LNX1: variants seen among roughly 807,000 people sequenced by gnomAD.
LNX1 encodes E3 ubiquitin-protein ligase LNX.
Under a neutral mutation model 68.4 loss-of-function variants are expected in LNX1, and 54 were observed. The observed-to-expected ratio is 0.79, with a 90% CI of 0.63 to 0.99. The LOEUF (loss-of-function observed/expected upper bound fraction) is 0.99. Ranked by LOEUF, LNX1 falls within the 50% of genes least tolerant of loss-of-function variation. The pLI is 0.00. For synonymous variants in LNX1, 336 were observed against 350.0 expected, an observed-to-expected ratio of 0.96 and a Z score of 0.45; for missense variants, 906 against 926.4, an observed-to-expected ratio of 0.98 and a Z score of 0.29.
At chr4:53,567,393 C>A (rs1730774982) in intron 2 of LNX1, among the ~76,000 whole-genome samples, 2 of 150,266 alleles carry the variant, frequency 1.3e-5, no homozygotes, top group Admixed American at 6.6e-5. Flanking sequence ...TCCTGAATGA[C>A]TACTGGGTAC....
intron 9 of LNX1, among the ~76,000 whole-genome samples, chr4:53,468,145 G>T (rs576027547): frequency 3.2e-4 from 48 of 152,140 alleles, no homozygotes; most frequent in Admixed American, 3.1e-3. Flanking sequence ...CTGATCTCTC[G>T]GCAGAAACTC....
intron 1 of LNX1, among the ~76,000 whole-genome samples, chr4:53,647,702 C>A (rs1734939547): frequency 6.6e-6 from 1 of 152,208 alleles, no homozygotes; most frequent in African/African-American, 2.4e-5. Context: ...ATAACCATCA[C>A]CACCATCCAT....
rs370669789 is a variant in LNX1 at position 53,574,018 on chromosome 4, A to G, written c.-16T>C. The G allele has an allele frequency of 4.3e-5, 68 of 1,594,250 alleles. No homozygotes were observed. The highest frequency in any genetic ancestry group is 5.6e-5 in the Non-Finnish European group (65 of 1,169,262). On this transcript the variant is annotated 5_prime_UTR_variant, in exon 2 of 11. Coordinates refer to ENST00000263925, the MANE Select transcript of LNX1 (RefSeq NM_001126328.3). ...GCTGGTTCATGATGGATTGGAGAGC[A>G]GTATAACAGGAAACTCAGTCACACA...
chr4:53,650,858 C>T (rs1380941626), intron 1 of LNX1, among the ~76,000 whole-genome samples: 1 of 152,162 alleles, frequency 6.6e-6, no homozygotes, highest in African/African-American at 2.4e-5. Flanking sequence ...CTCCTCTTAT[C>T]TGTATTCCCT....
intron 2 of LNX1, among the ~76,000 whole-genome samples, chr4:53,562,476 T>G (rs1172053705): frequency 6.6e-6 from 1 of 152,228 alleles, no homozygotes; most frequent in African/African-American, 2.4e-5. Context: ...CTGAAGACAA[T>G]CAATGATCTA....
upstream of LNX1, among the ~76,000 whole-genome samples, chr4:53,596,443 GTTC>G (rs571717418): frequency 1.1e-3 from 168 of 152,256 alleles, no homozygotes; most frequent in Non-Finnish European, 1.2e-3. Context: ...TGGTCAGCAT[GTTC>G]TTCTTTAGTA....
intron 7 of LNX1, 94 bp downstream of exon 7, chr4:53,481,626 A>G (rs2109418890): frequency 7.3e-7 from 1 of 1,376,798 alleles, no homozygotes; most frequent in Non-Finnish European, 9.7e-7. Context: ...TTAAGTAAAA[A>G]AGTCCAGAGA....
At chr4:53,649,849 G>T (rs576024891) in intron 1 of LNX1, among the ~76,000 whole-genome samples, 3 of 152,294 alleles carry the variant, frequency 2.0e-5, no homozygotes, top group African/African-American at 4.8e-5. Context: ...GTTCCTTGAG[G>T]GTGGTGACTA....
Position 53,485,819 on chromosome 4 carries a change from C to A in LNX1, c.1351-3965G>T, listed in dbSNP as rs1724254613. Among the ~76,000 whole-genome samples the A allele has an allele frequency of 2.0e-5, 3 of 152,242 alleles. No homozygotes were observed. In the South Asian group the frequency reaches 6.2e-4, roughly 32 times the overall value. On this transcript the variant is annotated intron_variant, in intron 6 of 10. Transcript: ENST00000263925. ...GAGGAGGGGGAGTATAGGGGAGACA[C>A]AGAAAGACTGAATGAGAAAATGGCA... is the stretch of plus-strand genomic sequence containing the variant.
rs760304079 is a variant in LNX1 at position 53,507,323 on chromosome 4, G to T, written c.769C>A (p.Pro257Thr). Residue 257 changes from proline to threonine, a missense_variant, in exon 4 of 11, where the codon CCT becomes ACT. Pro to Thr is a conservative substitution (Grantham distance 38, BLOSUM62 -1). Transcript: ENST00000263925. ...TTATGGGGAGTTCATTTACCTTCAG[G>T]GGCAGTGGTGTTTTCAGAATTTTCC... The part of the protein sequence containing the change: ...GRENSENTTA[P>T]EVFPRLYHLI... 1 of 1,613,932 alleles carries T rather than the reference G, an allele frequency of 6.2e-7. No homozygotes were observed.
At chr4:53,548,237 A>G (rs1729246113) in intron 2 of LNX1, among the ~76,000 whole-genome samples, 1 of 152,182 alleles carries the variant, frequency 6.6e-6, no homozygotes, top group Non-Finnish European at 1.5e-5. Context: ...ATTCCTTCCA[A>G]GACCAACTCC....
intron 2 of LNX1, among the ~76,000 whole-genome samples, chr4:53,568,580 C>CAGGCACAAGACAGGG (rs1553939198): frequency 1.2e-4 from 17 of 147,192 alleles, no homozygotes; most frequent in Admixed American, 1.0e-3. Flanking sequence ...CCTTTGAAAA[C>CAGGCACAAGACAGGG]GGGCACAAGA....
intron 1 of LNX1, among the ~76,000 whole-genome samples, chr4:53,641,358 A>C (rs1403221451): frequency 2.0e-5 from 3 of 152,256 alleles, no homozygotes; most frequent in Non-Finnish European, 4.4e-5. Context: ...GTGCCACAGC[A>C]GGGCTTTCAC....
At position 53,573,980 on chromosome 4, in the gene LNX1, T is replaced by C. The variant is rs370464725; in HGVS notation, c.23A>G (p.Asn8Ser). Residue 8 changes from asparagine (N) to serine (S), a missense_variant, in exon 2 of 11, where the codon AAC becomes AGC. Transcript: ENST00000263925. ...CACTGCACACAGGGGTTCAGGATCG[T>C]TGGCAGACTCTGGCTGGTTCATGAT... MNQPESA[N>S]DPEPLCAVCG... The C allele has an allele frequency of 6.2e-7, 1 of 1,612,612 alleles. No homozygotes were observed. Among genetic ancestry groups the C allele is most frequent in the Non-Finnish European group, 8.5e-7 (1 of 1,179,198 alleles).
At chr4:53,537,732 G>A (rs924921011) in intron 2 of LNX1, among the ~76,000 whole-genome samples, 21 of 152,284 alleles carry the variant, frequency 1.4e-4, no homozygotes, top group Non-Finnish European at 2.8e-4. Flanking sequence ...GCTGTGCCCC[G>A]AGTTCCACAG....
intron 1 of LNX1, among the ~76,000 whole-genome samples, chr4:53,581,297 G>A (rs1165696444): frequency 1.3e-5 from 2 of 152,082 alleles, no homozygotes; most frequent in African/African-American, 4.8e-5. Context: ...AAAACATGAA[G>A]AGTAGGTATA....
intron 2 of LNX1, among the ~76,000 whole-genome samples, chr4:53,601,469 C>T (rs1387451145): frequency 1.3e-5 from 2 of 152,198 alleles, no homozygotes; most frequent in African/African-American, 2.4e-5. Context: ...AAGTGTCTTG[C>T]CACGATGGCC....
At chr4:53,513,127 C>T (rs540790510) in intron 2 of LNX1, among the ~76,000 whole-genome samples, 5 of 152,076 alleles carry the variant, frequency 3.3e-5, no homozygotes, top group East Asian at 3.9e-4. Flanking sequence ...ACTCAAAAAC[C>T]GCCCAGGGAA....
intron 2 of LNX1, among the ~76,000 whole-genome samples, chr4:53,528,281 T>A (rs1577665526): frequency 6.6e-6 from 1 of 152,252 alleles, no homozygotes; most frequent in South Asian, 2.1e-4. Flanking sequence ...TTCAGTTACC[T>A]GTGGTCAACT....
Sources: gnomAD v4.1 joint callset for allele counts (sites outside exome capture counted in the v4.1 genomes callset) on GRCh38, gnomAD v4.1.1 for gene constraint, MANE v1.5 for transcripts, NCBI Gene and HGNC (gene_info 2026-07-23, HGNC 2026-07-21) for gene names.